The following GULP1 variants were observed in gnomAD, a reference collection of about 807,000 sequenced individuals.
GULP1 encodes the protein GULP PTB domain containing engulfment adaptor 1.
In GULP1, 19 loss-of-function variants were observed where a neutral mutation model predicts 40.9. The ratio of observed to expected loss-of-function variants is 0.46; its 90% CI spans 0.32 to 0.68. The LOEUF is 0.68. GULP1 is among the 30% of genes least tolerant of loss of function. The pLI, the probability that GULP1 is intolerant of heterozygous loss-of-function variation, is 0.03. For synonymous variants in GULP1, 119 were observed against 117.6 expected (o/e 1.01, Z -0.08); for missense variants, 312 against 362.2 (o/e 0.86, Z 1.12).
chr2:188,479,991 T>A (rs558023672), intron 3 of GULP1, among the ~76,000 whole-genome samples: 1 of 152,270 alleles, frequency 6.6e-6, no homozygotes, highest in Non-Finnish European at 1.5e-5. Flanking sequence ...ATCATGAAAT[T>A]ATTCACTAAT....
chr2:188,323,690 ATG>A (rs1559111166), intron 1 of GULP1, among the ~76,000 whole-genome samples: 2 of 99,600 alleles, frequency 2.0e-5, no homozygotes, highest in Non-Finnish European at 4.5e-5. Flanking sequence ...GTGTGTGTGT[ATG>A]TGTGTACAAA....
chr2:188,332,880 C>A (rs977217917), intron 1 of GULP1, among the ~76,000 whole-genome samples: 2 of 152,102 alleles, frequency 1.3e-5, no homozygotes. Flanking sequence ...CTCAATTTTG[C>A]GGTAACTTAT....
Position 188,522,807 on chromosome 2 carries a change from G to A in GULP1, c.142G>A (p.Asp48Asn). ...EQPKGTEVVRDAVRKLKFARH... is the reference protein window; with the variant it reads ...EQPKGTEVVRNAVRKLKFARH... ...GCCAAAAGGAACAGAAGTTGTGAGA[G>A]ATGCTGTAAGGAAACTAAAGGTAGG... The change falls in exon 5 of 12, where the codon GAT (aspartate) becomes AAT (asparagine). Residue 48 changes from aspartate to asparagine, a missense_variant. Coordinates refer to ENST00000409830, the MANE Select transcript of GULP1 (RefSeq NM_016315.4). 3 of 1,609,034 alleles carry A rather than the reference G, an allele frequency of 1.9e-6. No homozygotes were observed. Among genetic ancestry groups the A allele is most frequent in the Non-Finnish European group, 2.6e-6 (3 of 1,175,630 alleles).
chr2:188,469,014 T>A (rs1438972175), intron 2 of GULP1, among the ~76,000 whole-genome samples: 1 of 152,098 alleles, frequency 6.6e-6, no homozygotes, highest in Non-Finnish European at 1.5e-5. Flanking sequence ...GAGAATGAGG[T>A]ACCCTTTAAA....
intron 11 of GULP1, chr2:188,589,732 G>T: frequency 1.4e-6 from 2 of 1,387,682 alleles, no homozygotes; most frequent in East Asian, 2.6e-5. Flanking sequence ...TGCTTTCATG[G>T]TGGGTAGCGC....
At chr2:188,353,014 CAT>C (rs1172480565) in intron 1 of GULP1, among the ~76,000 whole-genome samples, 32 of 152,180 alleles carry the variant, frequency 2.1e-4, no homozygotes, top group African/African-American at 7.5e-4. Context: ...TTGGCAGAAA[CAT>C]GAGCTAAGTT....
chr2:188,480,637 A>G (rs2061375201), intron 3 of GULP1, among the ~76,000 whole-genome samples: 1 of 152,032 alleles, frequency 6.6e-6, no homozygotes, highest in African/African-American at 2.4e-5. Flanking sequence ...TTAGTCTAAT[A>G]TAATCATAGA....
At chr2:188,566,092 TTATA>T (rs1161571619) in intron 7 of GULP1, among the ~76,000 whole-genome samples, 1 of 152,100 alleles carries the variant, frequency 6.6e-6, no homozygotes, top group Non-Finnish European at 1.5e-5. Flanking sequence ...AAGTTGGAGA[TTATA>T]TATCTTATAT....
chr2:188,362,483 T>TAAACA (rs1420027669), intron 1 of GULP1, among the ~76,000 whole-genome samples: 1 of 152,134 alleles, frequency 6.6e-6, no homozygotes, highest in East Asian at 1.9e-4. Flanking sequence ...CACATGTTTA[T>TAAACA]AAACAAAACA....
chr2:188,438,138 A>G (rs1434957732), intron 2 of GULP1, among the ~76,000 whole-genome samples: 1 of 152,122 alleles, frequency 6.6e-6, no homozygotes, highest in Admixed American at 6.6e-5. Context: ...GAGTTCTAAT[A>G]TATACTTCTA....
intron 1 of GULP1, among the ~76,000 whole-genome samples, chr2:188,339,132 G>T (rs989564809): frequency 5.9e-5 from 9 of 152,036 alleles, no homozygotes; most frequent in Admixed American, 2.0e-4. Context: ...AAGACATGAG[G>T]TACTCTTATT....
At chr2:188,363,383 T>G (rs2046341362) in intron 1 of GULP1, among the ~76,000 whole-genome samples, 1 of 152,088 alleles carries the variant, frequency 6.6e-6, no homozygotes, top group African/African-American at 2.4e-5. Context: ...GCATCAAGAA[T>G]TAATTGACTA....
chr2:188,481,373 A>G (rs2061434513), intron 3 of GULP1, among the ~76,000 whole-genome samples: 1 of 152,004 alleles, frequency 6.6e-6, no homozygotes, highest in African/African-American at 2.4e-5. Context: ...TTAGGATGAC[A>G]GTAAGAACTC....
chr2:188,568,400 TG>T (rs1698284204), intron 7 of GULP1, among the ~76,000 whole-genome samples: 1 of 152,190 alleles, frequency 6.6e-6, no homozygotes, highest in Non-Finnish European at 1.5e-5. Flanking sequence ...GTCTTTACTA[TG>T]TGCAAGACAT....
chr2:188,450,500 T>C (rs980162954), intron 2 of GULP1, among the ~76,000 whole-genome samples: 10 of 152,124 alleles, frequency 6.6e-5, no homozygotes, highest in Admixed American at 3.3e-4. Context: ...ACTTCTTCAG[T>C]ATTAAAAAAG....
At chr2:188,581,840 A>G (rs1701388916) in intron 9 of GULP1, among the ~76,000 whole-genome samples, 2 of 152,340 alleles carry the variant, frequency 1.3e-5, no homozygotes, top group South Asian at 2.1e-4. Context: ...TAATAAGGAC[A>G]TAATATCACT....
At chr2:188,447,423 G>A (rs1398528410) in intron 2 of GULP1, among the ~76,000 whole-genome samples, 1 of 152,008 alleles carries the variant, frequency 6.6e-6, no homozygotes, top group African/African-American at 2.4e-5. Context: ...ATGGTTGGGG[G>A]GCCTTATAAG....
At chr2:188,391,474 T>C (rs551399907) in intron 2 of GULP1, among the ~76,000 whole-genome samples, 2 of 152,248 alleles carry the variant, frequency 1.3e-5, no homozygotes, top group African/African-American at 4.8e-5. Flanking sequence ...CCTGAGACTT[T>C]ACTGAATTTG....
intron 4 of GULP1, among the ~76,000 whole-genome samples, chr2:188,495,745 G>T (rs1399721699): frequency 6.6e-6 from 1 of 151,944 alleles, no homozygotes; most frequent in African/African-American, 2.4e-5. Flanking sequence ...TCTGTACAGT[G>T]CCTAGCACAT....
Sources: gnomAD v4.1 joint callset for allele counts (sites outside exome capture counted in the v4.1 genomes callset) on GRCh38, gnomAD v4.1.1 for gene constraint, MANE v1.5 for transcripts, NCBI Gene and HGNC (gene_info 2026-07-23, HGNC 2026-07-21) for gene names.